MEF2C: variants seen among roughly 807,000 people sequenced by gnomAD.
MEF2C encodes the protein myocyte-specific enhancer factor 2C.
MEF2C carries 6 observed loss-of-function variants against 50.5 expected under a neutral mutation model. The observed-to-expected ratio is 0.12, with a 90% CI of 0.07 to 0.23. The LOEUF is 0.23. Ranked by LOEUF, MEF2C falls within the 10% of genes least tolerant of loss-of-function variation. The pLI is 1.00. For missense variants in MEF2C, 276 were observed against 605.0 expected (o/e 0.46, Z 5.70); for synonymous variants, 183 against 228.0 (o/e 0.80, Z 1.78).
intron 4 of MEF2C, among the ~76,000 whole-genome samples, chr5:88,757,251 A>G (rs1775774904): frequency 6.6e-6 from 1 of 152,246 alleles, no homozygotes; most frequent in Admixed American, 6.5e-5. Context: ...GGAAAAGTCC[A>G]ATAAAAAAAT....
At chr5:88,770,698 C>T (rs969613082) in intron 3 of MEF2C, among the ~76,000 whole-genome samples, 3 of 152,120 alleles carry the variant, frequency 2.0e-5, no homozygotes, top group East Asian at 1.9e-4. Context: ...ACTCACCTAT[C>T]GTTATTCTTT....
At chr5:88,811,217 C>A (rs1330965772) in intron 2 of MEF2C, among the ~76,000 whole-genome samples, 2 of 152,032 alleles carry the variant, frequency 1.3e-5, no homozygotes, top group Admixed American at 6.6e-5. Flanking sequence ...TTGAAAGAAT[C>A]TGGAATGTAT....
chr5:88,858,067 AT>A (rs1440560151), intron 1 of MEF2C, among the ~76,000 whole-genome samples: 7 of 152,338 alleles, frequency 4.6e-5, no homozygotes, highest in Admixed American at 4.6e-4. Context: ...CCAGCAAAGT[AT>A]TTTCTTCCTA....
At chr5:88,734,505 A>G (rs1264768897) in intron 6 of MEF2C, 3 of 982,458 alleles carry the variant, frequency 3.1e-6, no homozygotes, top group Non-Finnish European at 3.6e-6. Flanking sequence ...CTGTGATATG[A>G]CAAGCACTGG....
At chr5:88,753,930 T>A (rs1156810723) in intron 4 of MEF2C, among the ~76,000 whole-genome samples, 1 of 152,228 alleles carries the variant, frequency 6.6e-6, no homozygotes, top group Non-Finnish European at 1.5e-5. Context: ...ATAGCATGAA[T>A]AAAATATTGT....
At position 88,722,426 on chromosome 5, in the gene MEF2C, T is replaced by G. The variant is rs1454401822; in HGVS notation, c.*178A>C. 4 of 570,768 alleles carry G rather than the reference T, an allele frequency of 7.0e-6. No homozygotes were observed. The Admixed American group carries it at 9.4e-5, about 13-fold the overall frequency. 35.4% of individuals were successfully genotyped at this position (570,768 alleles called of 1,614,324 possible). ...TGCTAAGCTTATCTCAGCATTTCTG[T>G]TTATCTTTATACTGTATCACTGAGG... On this transcript the variant is annotated 3_prime_UTR_variant, in exon 11 of 11. Transcript: ENST00000504921.
At chr5:88,756,363 T>C (rs912897568) in intron 4 of MEF2C, among the ~76,000 whole-genome samples, 9 of 152,200 alleles carry the variant, frequency 5.9e-5, no homozygotes, top group African/African-American at 2.2e-4. Flanking sequence ...TTTATGTCCA[T>C]GTGTACCCAT....
At chr5:88,887,398 T>C (rs1285272481), upstream of MEF2C, 1 of 152,252 alleles carries the variant, frequency 6.6e-6, no homozygotes, top group Non-Finnish European at 1.5e-5. Flanking sequence ...TCTTTATTAT[T>C]GTTATACACG....
chr5:88,772,850 T>C, intron 3 of MEF2C: 1 of 985,464 alleles, frequency 1.0e-6, no homozygotes, highest in Non-Finnish European at 1.2e-6. Flanking sequence ...TCTTATAGTC[T>C]ATCTCCCCAG....
intron 1 of MEF2C, among the ~76,000 whole-genome samples, chr5:88,881,663 A>G (rs974714645): frequency 6.6e-6 from 1 of 151,800 alleles, no homozygotes; most frequent in East Asian, 1.9e-4. Context: ...TATACTCCAC[A>G]TAAACATCTT....
upstream of MEF2C, among the ~76,000 whole-genome samples, chr5:88,885,367 T>G (rs1833962991): frequency 6.6e-6 from 1 of 152,212 alleles, no homozygotes; most frequent in Non-Finnish European, 1.5e-5. Flanking sequence ...ATCTTCAAGT[T>G]CCAGCTCATC....
intron 3 of MEF2C, among the ~76,000 whole-genome samples, chr5:88,784,432 G>GT (rs1359004818): frequency 6.6e-6 from 1 of 152,080 alleles, no homozygotes; most frequent in Non-Finnish European, 1.5e-5. Flanking sequence ...ACATATAACT[G>GT]TTTAAGATAA....
At chr5:88,736,987 T>G in intron 6 of MEF2C, 1 of 985,166 alleles carries the variant, frequency 1.0e-6, no homozygotes, top group Non-Finnish European at 1.2e-6. Flanking sequence ...CTGAATTCAC[T>G]CCCCTCTGCT....
At position 88,863,053 on chromosome 5, in the gene MEF2C, A is replaced by G. The variant is rs78344101; in HGVS notation, c.-143+19902T>C. On this transcript the variant is annotated intron_variant, in intron 1 of 10. Coordinates refer to ENST00000504921, the MANE Select transcript of MEF2C (RefSeq NM_002397.5). ...CTTCCAGAGGGCAGACTAGCCCCCAAAACTTTTTTCTGGAGTACTGCCAGG... is the reference window on the plus strand; with the variant it reads ...CTTCCAGAGGGCAGACTAGCCCCCAGAACTTTTTTCTGGAGTACTGCCAGG... 7.9e-4 allele frequency among the ~76,000 whole-genome samples: 121 copies of G among 152,266 alleles called. 1 individual carries two copies. The East Asian group carries it at 0.017, about 21-fold the overall frequency.
At chr5:88,805,333 C>T (rs700593) in intron 2 of MEF2C, among the ~76,000 whole-genome samples, 63,264 of 151,678 alleles carry the variant, frequency 0.42, 14,932 homozygotes, top group African/African-American at 0.63. Context: ...CAACAGGGCA[C>T]TGGGAAGTCC....
intron 3 of MEF2C, among the ~76,000 whole-genome samples, chr5:88,795,948 AT>A (rs1424172860): frequency 5.9e-5 from 9 of 152,164 alleles, no homozygotes; most frequent in African/African-American, 1.9e-4. Flanking sequence ...ACATTTTTTG[AT>A]TGGTGCATGT....
At chr5:88,787,344 T>C (rs1040897441) in intron 3 of MEF2C, among the ~76,000 whole-genome samples, 1 of 152,202 alleles carries the variant, frequency 6.6e-6, no homozygotes, top group Non-Finnish European at 1.5e-5. Flanking sequence ...AAAATAAAAC[T>C]AATTTTTTAA....
chr5:88,853,033 G>T (rs1400677795), intron 1 of MEF2C, among the ~76,000 whole-genome samples: 1 of 152,160 alleles, frequency 6.6e-6, no homozygotes, highest in Admixed American at 6.5e-5. Context: ...AGACAAGCCT[G>T]GGAAACATAG....
chr5:88,845,516 G>A (rs1219645926), intron 1 of MEF2C, among the ~76,000 whole-genome samples: 1 of 152,134 alleles, frequency 6.6e-6, no homozygotes, highest in Non-Finnish European at 1.5e-5. Context: ...TAGAAGTTTT[G>A]AGGAAGAGTA....
Sources: gnomAD v4.1 joint callset for allele counts (sites outside exome capture counted in the v4.1 genomes callset) on GRCh38, gnomAD v4.1.1 for gene constraint, MANE v1.5 for transcripts, NCBI Gene and HGNC (gene_info 2026-07-23, HGNC 2026-07-21) for gene names.